PRSS55: variants seen among roughly 807,000 people sequenced by gnomAD.
PRSS55 encodes the protein probable serine protease UNQ9391/PRO34284.
Under a neutral mutation model 23.6 loss-of-function variants are expected in PRSS55, and 41 were observed. The ratio of observed to expected loss-of-function variants is 1.74; its 90% CI spans 1.35 to 2.26. The LOEUF (loss-of-function observed/expected upper bound fraction) is 2.26. Among genes scored for constraint, PRSS55 ranks in the 30% most tolerant of loss-of-function variants. PRSS55 has a pLI of 0.00. For missense variants in PRSS55, 669 were observed against 439.1 expected (o/e 1.52, Z -4.68); for synonymous variants, 262 against 175.5 (o/e 1.49, Z -3.90).
At chr8:10,528,131 AG>A (rs1302303283) in intron 1 of PRSS55, among the ~76,000 whole-genome samples, 1 of 151,232 alleles carries the variant, frequency 6.6e-6, no homozygotes, top group African/African-American at 2.4e-5. Flanking sequence ...CCTGGGAGGC[AG>A]AGGTTGCAGT....
intron 2 of PRSS55, among the ~76,000 whole-genome samples, chr8:10,530,048 C>G (rs1812194212): frequency 6.6e-6 from 1 of 152,218 alleles, no homozygotes; most frequent in South Asian, 2.1e-4. Context: ...ATTCTGGAAG[C>G]CTGACTTCCT....
At chr8:10,530,364 G>T (rs933025873) in intron 2 of PRSS55, among the ~76,000 whole-genome samples, 2 of 152,150 alleles carry the variant, frequency 1.3e-5, no homozygotes, top group Non-Finnish European at 2.9e-5. Context: ...AGTCCCAGCT[G>T]TTCAGGAGGC....
At chr8:10,550,294 G>T (rs1563551498) in intron 4 of PRSS55, among the ~76,000 whole-genome samples, 1 of 152,172 alleles carries the variant, frequency 6.6e-6, no homozygotes, top group South Asian at 2.1e-4. Context: ...TAACACAGAA[G>T]TGGGGGTCTA....
At chr8:10,539,115 G>C (rs1686248394), downstream of PRSS55, among the ~76,000 whole-genome samples, 1 of 151,968 alleles carries the variant, frequency 6.6e-6, no homozygotes, top group South Asian at 2.1e-4. Context: ...AGGCGTGGCT[G>C]AGTCCAGGGG....
intron 3 of PRSS55, among the ~76,000 whole-genome samples, chr8:10,532,306 A>G (rs1436135663): frequency 6.6e-6 from 1 of 152,160 alleles, no homozygotes; most frequent in Non-Finnish European, 1.5e-5. Context: ...GGCATGCACA[A>G]GTTTAAAAAT....
chr8:10,527,979 G>A (rs1206219614), intron 1 of PRSS55, among the ~76,000 whole-genome samples: 1 of 152,138 alleles, frequency 6.6e-6, no homozygotes, highest in Non-Finnish European at 1.5e-5. Context: ...TTGGGAGGCC[G>A]AGGCGGGCAG....
At chr8:10,537,557 G>C (rs1021437215) in intron 4 of PRSS55, among the ~76,000 whole-genome samples, 1 of 137,888 alleles carries the variant, frequency 7.3e-6, no homozygotes, top group African/African-American at 2.7e-5. Flanking sequence ...AGTGATTATA[G>C]ACAACAAGTG....
At chr8:10,543,419 T>TTCTTTTCTTTTC (rs1554584929), downstream of PRSS55, among the ~76,000 whole-genome samples, 2 of 13,930 alleles carry the variant, frequency 1.4e-4, no homozygotes, top group Non-Finnish European at 2.7e-4. Context: ...CTTTCTTCTT[T>TTCTTTTCTTTTC]CTTTCTTCCT....
chr8:10,542,350 G>A (rs1422769024), downstream of PRSS55, among the ~76,000 whole-genome samples: 1 of 145,316 alleles, frequency 6.9e-6, no homozygotes, highest in East Asian at 2.1e-4. Flanking sequence ...CTGCTAAGGT[G>A]TTTAAACTTA....
At chr8:10,541,812 G>A (rs62492808), downstream of PRSS55, among the ~76,000 whole-genome samples, 6,548 of 152,174 alleles carry the variant, frequency 0.043, 191 homozygotes, top group Middle Eastern at 0.085. Context: ...AGGCTGGAGT[G>A]CAGTGCCATG....
downstream of PRSS55, among the ~76,000 whole-genome samples, chr8:10,541,988 GCTGGTCTCAAACTC>G (rs1199150164): frequency 3.9e-5 from 6 of 152,124 alleles, no homozygotes; most frequent in African/African-American, 1.4e-4. Flanking sequence ...TGTTGCCCAG[GCTGGTCTCAAACTC>G]CTGGGCTCAA....
chr8:10,544,906 A>G (rs1812776548), intron 4 of PRSS55: 1 of 609,488 alleles, frequency 1.6e-6, no homozygotes, highest in African/African-American at 2.0e-5. Flanking sequence ...TTTATGTCTC[A>G]TAGATTTTAA....
At chr8:10,539,427 G>C (rs138152920), downstream of PRSS55, among the ~76,000 whole-genome samples, 7 of 152,302 alleles carry the variant, frequency 4.6e-5, no homozygotes, top group East Asian at 1.4e-3. Flanking sequence ...CCATAAAAAC[G>C]AACGATGTGC....
chr8:10,545,710 C>G (rs1352546774), intron 4 of PRSS55, among the ~76,000 whole-genome samples: 1 of 152,134 alleles, frequency 6.6e-6, no homozygotes, highest in Non-Finnish European at 1.5e-5. Flanking sequence ...CGTAAATCAT[C>G]GTTTGAATTG....
intron 4 of PRSS55, among the ~76,000 whole-genome samples, chr8:10,535,187 G>A (rs1201928258): frequency 1.3e-5 from 2 of 152,086 alleles, no homozygotes. Context: ...AACTACCAAT[G>A]ACATTATTCA....
At chr8:10,532,249 G>A (rs1264146445) in intron 3 of PRSS55, among the ~76,000 whole-genome samples, 3 of 152,104 alleles carry the variant, frequency 2.0e-5, no homozygotes, top group Non-Finnish European at 4.4e-5. Context: ...CTTAGTTCTG[G>A]GCTCCAGGCA....
chr8:10,547,924 T>A (rs73662860), intron 4 of PRSS55, among the ~76,000 whole-genome samples: 11,747 of 151,874 alleles, frequency 0.077, 554 homozygotes, highest in Middle Eastern at 0.12. Context: ...ACAGCTTTAC[T>A]GAACATGACT....
intron 1 of PRSS55, among the ~76,000 whole-genome samples, chr8:10,526,232 C>T (rs938105103): frequency 6.6e-6 from 1 of 152,206 alleles, no homozygotes; most frequent in Non-Finnish European, 1.5e-5. Flanking sequence ...TGCTAGGGGT[C>T]GAGCATTTCC....
In PRSS55 at chr8:10,529,649, C is replaced by G; in HGVS notation, c.297C>G (p.Asn99Lys). The G allele has an allele frequency of 4.3e-6, 7 of 1,614,176 alleles. No homozygotes were observed. Among genetic ancestry groups the G allele is most frequent in the Non-Finnish European group, 5.9e-6 (7 of 1,180,026 alleles). The change falls in exon 2 of 5, where the codon AAC becomes AAG. Residue 99 changes from asparagine (N) to lysine (K), a missense_variant. Physicochemically the swap from Asn to Lys is moderately conservative, Grantham distance 94. Coordinates refer to ENST00000328655, the MANE Select transcript of PRSS55 (RefSeq NM_198464.4). ...CTTTCTGTGGCGGCTCCATCCTCAA[C>G]AAGTGGTGGATTCTCACTGCGGCTC... is the stretch of plus-strand genomic sequence containing the variant. ...SEPFCGGSIL[N>K]KWWILTAAHC...
Sources: gnomAD v4.1 joint callset for allele counts (sites outside exome capture counted in the v4.1 genomes callset) on GRCh38, gnomAD v4.1.1 for gene constraint, MANE v1.5 for transcripts, NCBI Gene and HGNC (gene_info 2026-07-23, HGNC 2026-07-21) for gene names.